ULK4: variants seen among roughly 807,000 people sequenced by gnomAD.
ULK4 encodes the protein inactive serine/threonine-protein kinase ULK4.
In ULK4, 133 loss-of-function variants were observed where a neutral mutation model predicts 160.6. The observed-to-expected ratio is 0.83, with a 90% confidence interval of 0.72 to 0.96. The LOEUF is 0.96. Among genes scored for constraint, ULK4 ranks in the 40% least tolerant of loss-of-function variants. ULK4 has a pLI of 0.00. For missense variants in ULK4, 1,580 were observed against 1,499.5 expected, an observed-to-expected ratio of 1.05 and a Z score of -0.89; for synonymous variants, 534 against 539.8, an observed-to-expected ratio of 0.99 and a Z score of 0.15.
At chr3:41,650,061 C>T (rs2034678194) in intron 30 of ULK4, among the ~76,000 whole-genome samples, 1 of 152,178 alleles carries the variant, frequency 6.6e-6, no homozygotes, top group African/African-American at 2.4e-5. Context: ...TGGAAGGGAG[C>T]TACCCACCAC....
chr3:41,431,021 T>C (rs1243868396), intron 34 of ULK4, among the ~76,000 whole-genome samples: 2 of 152,196 alleles, frequency 1.3e-5, no homozygotes, highest in South Asian at 2.1e-4. Flanking sequence ...GTAGCCATAG[T>C]AGTCTTTCAC....
chr3:41,476,519 T>C (rs2084148789), intron 32 of ULK4, among the ~76,000 whole-genome samples: 1 of 152,170 alleles, frequency 6.6e-6, no homozygotes, highest in African/African-American at 2.4e-5. Context: ...GATGGGTGTG[T>C]GGCTCTTTCT....
At chr3:41,670,566 C>T (rs149443274) in intron 29 of ULK4, among the ~76,000 whole-genome samples, 12 of 151,604 alleles carry the variant, frequency 7.9e-5, no homozygotes, top group African/African-American at 1.5e-4. Flanking sequence ...CATATATATA[C>T]GTATGTATAT....
At chr3:41,674,275 G>A (rs937070986) in intron 29 of ULK4, among the ~76,000 whole-genome samples, 2 of 152,142 alleles carry the variant, frequency 1.3e-5, no homozygotes, top group African/African-American at 4.8e-5. Context: ...CAAATAGTCA[G>A]CATAAGACTA....
chr3:41,546,303 G>A (rs1199909856), intron 32 of ULK4, among the ~76,000 whole-genome samples: 2 of 152,002 alleles, frequency 1.3e-5, no homozygotes, highest in African/African-American at 4.8e-5. Flanking sequence ...TATTCTGTTA[G>A]GACAGATCTA....
At chr3:41,691,633 T>A (rs2036303073) in intron 27 of ULK4, among the ~76,000 whole-genome samples, 1 of 151,892 alleles carries the variant, frequency 6.6e-6, no homozygotes, top group South Asian at 2.1e-4. Flanking sequence ...ATTTATTTAT[T>A]TCCTTTAACA....
intron 35 of ULK4, among the ~76,000 whole-genome samples, chr3:41,295,416 C>T (rs2079650427): frequency 7.5e-6 from 1 of 133,416 alleles, no homozygotes; most frequent in South Asian, 2.5e-4. Context: ...TCGGGTATGA[C>T]AATGACTTTT....
chr3:41,492,927 G>C (rs1211389712), intron 32 of ULK4, among the ~76,000 whole-genome samples: 2 of 144,816 alleles, frequency 1.4e-5, no homozygotes, highest in African/African-American at 2.6e-5. Context: ...GATTCATAAA[G>C]CAAGTCCTGA....
Position 41,630,268 on chromosome 3 carries a change from G to A in ULK4, c.3072-14551C>T, listed in dbSNP as rs114278125. On this transcript the variant is annotated intron_variant, in intron 30 of 36. Transcript: ENST00000301831. Reference sequence around the variant, plus strand: ...TGTCAGCTGGGCTAAGTTCCAGTCTGGAGGCTGGAGGTGGAGGGGATACAT... The same window carrying A: ...TGTCAGCTGGGCTAAGTTCCAGTCTAGAGGCTGGAGGTGGAGGGGATACAT... Among the ~76,000 whole-genome samples, 515 of 152,286 alleles carry A rather than the reference G, an allele frequency of 3.4e-3. 3 individuals carry two copies. The highest frequency in any genetic ancestry group is 0.011 in the African/African-American group (472 of 41,558).
chr3:41,856,350 C>T (rs961029843), intron 17 of ULK4, among the ~76,000 whole-genome samples: 1 of 151,194 alleles, frequency 6.6e-6, no homozygotes, highest in South Asian at 2.1e-4. Flanking sequence ...AAGCTTGGGG[C>T]TACAAAGAAG....
At chr3:41,783,979 C>T (rs918677515) in intron 21 of ULK4, among the ~76,000 whole-genome samples, 6 of 152,142 alleles carry the variant, frequency 3.9e-5, no homozygotes, top group African/African-American at 1.4e-4. Context: ...AGTAAATAAA[C>T]TCATACCTAA....
chr3:41,891,903 TCAAA>T (rs920248896), intron 16 of ULK4, among the ~76,000 whole-genome samples: 6 of 152,048 alleles, frequency 3.9e-5, no homozygotes, highest in African/African-American at 1.2e-4. Context: ...AGACTCCGTC[TCAAA>T]CAAACAAAAA....
intron 35 of ULK4, among the ~76,000 whole-genome samples, chr3:41,382,830 T>G (rs1411898608): frequency 1.3e-5 from 2 of 152,196 alleles, no homozygotes; most frequent in African/African-American, 2.4e-5. Context: ...GGTTATTTGC[T>G]TTATATATAG....
intron 22 of ULK4, among the ~76,000 whole-genome samples, chr3:41,751,051 C>T (rs921556817): frequency 4.6e-5 from 1 of 21,552 alleles, no homozygotes; most frequent in Non-Finnish European, 1.1e-4. Flanking sequence ...GGAGGGTGGG[C>T]GGGTCAGCCT....
chr3:41,833,335 G>A (rs190497354), intron 18 of ULK4, among the ~76,000 whole-genome samples: 24 of 146,030 alleles, frequency 1.6e-4, no homozygotes, highest in Non-Finnish European at 3.6e-4. Flanking sequence ...TTGCTCTGTC[G>A]CCCAGGCTGG....
intron 27 of ULK4, among the ~76,000 whole-genome samples, chr3:41,686,014 T>C (rs1437836720): frequency 6.6e-6 from 1 of 152,188 alleles, no homozygotes; most frequent in Non-Finnish European, 1.5e-5. Context: ...TGGATATAAA[T>C]GTATATCTGC....
intron 2 of ULK4, among the ~76,000 whole-genome samples, chr3:41,949,285 G>A (rs1319382849): frequency 6.6e-6 from 1 of 151,566 alleles, no homozygotes; most frequent in African/African-American, 2.4e-5. Flanking sequence ...CTCCTGCCTG[G>A]ATAGACTTTG....
chr3:41,760,547 C>T (rs1272041738), intron 21 of ULK4, among the ~76,000 whole-genome samples: 1 of 152,052 alleles, frequency 6.6e-6, no homozygotes, highest in African/African-American at 2.4e-5. Flanking sequence ...CTCCCAAATC[C>T]AAAACTTTTT....
At position 41,398,262 on chromosome 3, in the gene ULK4, A is replaced by C; in HGVS notation, c.3495T>G (p.Leu1165=). 1.9e-6 allele frequency: 3 copies of C among 1,611,124 alleles called. No individual in the cohort carries two copies. The highest frequency in any genetic ancestry group is 2.5e-6 in the Non-Finnish European group (3 of 1,179,050). ...CAAAAATCTCAGGATCTTCATTAGG[A>C]AGCTGAAAATTAACAAATAAGACTA... ...TDLISLLIPL[L]PNEDPEIFDV... is the part of the protein sequence containing the mutation. Residue 1165 remains leucine (L), a splice_region_variant and synonymous_variant, in exon 35 of 37, where the codon CTT becomes CTG. Coordinates refer to ENST00000301831, the MANE Select transcript of ULK4 (RefSeq NM_017886.4).
Sources: gnomAD v4.1 joint callset for allele counts (sites outside exome capture counted in the v4.1 genomes callset) on GRCh38, gnomAD v4.1.1 for gene constraint, MANE v1.5 for transcripts, NCBI Gene and HGNC (gene_info 2026-07-23, HGNC 2026-07-21) for gene names.